The following FCRLA variants were observed in gnomAD, a reference collection of about 807,000 sequenced individuals.
FCRLA encodes the protein Fc receptor-like A.
FCRLA carries 26 observed loss-of-function variants against 28.4 expected under a neutral mutation model. That is an observed-to-expected ratio of 0.91 (90% CI 0.67 to 1.27). The LOEUF is 1.27. Among genes scored for constraint, FCRLA ranks in the 50% most tolerant of loss-of-function variants. The pLI is 0.00. For missense variants in FCRLA, 422 were observed against 433.1 expected (o/e 0.97, Z 0.23); for synonymous variants, 174 against 168.5 (o/e 1.03, Z -0.25).
intron 2 of FCRLA, 36 bp from the exon 3 acceptor site, chr1:161,711,171 GC>G: frequency 6.3e-7 from 1 of 1,582,130 alleles, no homozygotes; most frequent in Non-Finnish European, 8.6e-7. Flanking sequence ...CCCAAGGGAG[GC>G]CCTGGGTGAC....
rs774844832 is a variant in FCRLA, at chr1:161,713,359, C to A, written c.1059C>A (p.Thr353=). Residue 353 remains threonine, a synonymous_variant, in exon 5 of 5, where the codon ACC becomes ACA. Coordinates refer to ENST00000236938, the MANE Select transcript of FCRLA (RefSeq NM_032738.4). The part of the protein sequence containing the change: ...RELSGHRKPG[T]TKATAE Reference sequence around the variant, plus strand: ...TATCTGGCCACCGGAAGCCTGGGACCACAAAGGCTACTGCTGAATAGAAGT... The same window carrying A: ...TATCTGGCCACCGGAAGCCTGGGACAACAAAGGCTACTGCTGAATAGAAGT... 4 of 1,613,764 alleles carry A rather than the reference C, an allele frequency of 2.5e-6. No homozygotes were observed. The Admixed American group carries it at 6.7e-5, about 27-fold the overall frequency.
chr1:161,713,603 A>C lies in FCRLA; in HGVS notation c.*223A>C. ...TTAACACAACAGAATTCTGCTGTCT[A>C]GATCAGGAATTTCTATCTGTTATAT... On this transcript the variant is annotated 3_prime_UTR_variant, in exon 5 of 5. Transcript: ENST00000236938. The C allele has an allele frequency of 6.3e-6, 3 of 473,362 alleles. No individual in the cohort carries two copies. The highest frequency in any genetic ancestry group is 1.1e-5 in the Non-Finnish European group (3 of 268,746). The allele number at this position is 473,362 out of a possible 1,614,324, so 29.3% of individuals were successfully genotyped here.
At chr1:161,708,513 C>G (rs541193068) in intron 1 of FCRLA, among the ~76,000 whole-genome samples, 1 of 152,326 alleles carries the variant, frequency 6.6e-6, no homozygotes, top group South Asian at 2.1e-4. Context: ...AGTTTACCAG[C>G]CCAAATTCTT....
Position 161,711,931 on chromosome 1 carries a change from C to CG in FCRLA, c.500-3_500-2insG. The CG allele has an allele frequency of 6.2e-7, 1 of 1,602,880 alleles. No homozygotes were observed. On this transcript the variant is annotated splice_polypyrimidine_tract_variant and splice_region_variant and intron_variant, in intron 3 of 4. Coordinates refer to ENST00000236938, the MANE Select transcript of FCRLA (RefSeq NM_032738.4). The stretch of plus-strand genomic sequence containing the variant: ...TCTTCTTTCCTGCCTATCTTTTTCC[C>CG]AGAACTGTTTCCAGCGCCAATTCTC...
intron 3 of FCRLA, 194 bp from the exon 4 acceptor site, chr1:161,711,740 T>C: frequency 3.8e-6 from 3 of 795,010 alleles, no homozygotes; most frequent in Non-Finnish European, 6.1e-6. Flanking sequence ...ACTATCAGAT[T>C]TGCCCATCTG....
intron 4 of FCRLA, 55 bp downstream of exon 4, chr1:161,712,273 G>A: frequency 6.4e-7 from 1 of 1,565,358 alleles, no homozygotes; most frequent in Non-Finnish European, 8.7e-7. Flanking sequence ...GAGTGAAAAG[G>A]AGGGATAGGA....
At position 161,710,833 on chromosome 1, in the gene FCRLA, CTTGACTGATGCAAGGGAAG is replaced by C. The variant is rs767458244; in HGVS notation, c.154_172del (p.Thr53AlafsTer15). ...AGAGCAGCTGCCACACGGAGGATGA[CTTGACTGATGCAAGGGAAG>C]CTGGCTTCCAGGTCAAGGCCTACAC... On this transcript the variant is annotated frameshift_variant, in exon 2 of 5. Coordinates refer to ENST00000236938, the MANE Select transcript of FCRLA (RefSeq NM_032738.4). LOFTEE classifies it high-confidence loss of function. 6.2e-7 allele frequency: 1 copy of C among 1,613,964 alleles called. No homozygotes were observed. The highest frequency in any genetic ancestry group is 1.3e-5 in the African/African-American group (1 of 74,930).
rs764062287 is a variant in FCRLA at position 161,710,765 on chromosome 1, A to T, written c.85A>T (p.Ser29Cys). ...LWVAQMLLAA[S>C]FETLQCEGPV... Reference sequence around the variant, plus strand: ...CTGGGCCATGCCCTCTTCAGCTGCCAGTTTTGAGACGCTGCAGTGTGAGGG... The same window carrying T: ...CTGGGCCATGCCCTCTTCAGCTGCCTGTTTTGAGACGCTGCAGTGTGAGGG... Residue 29 changes from serine to cysteine, a missense_variant, in exon 2 of 5, where the codon AGT becomes TGT. Around this residue, in one of 3 missense-constraint regions of FCRLA, gnomAD observed 231 missense variants for 214.6 expected, o/e 1.08. Transcript: ENST00000236938. The T allele has an allele frequency of 3.7e-6, 6 of 1,614,120 alleles. No homozygotes were observed. Among genetic ancestry groups the T allele is most frequent in the South Asian group, 1.1e-5 (1 of 91,080 alleles).
At chr1:161,711,691 T>G (rs1683110252) in intron 3 of FCRLA, 2 of 731,610 alleles carry the variant, frequency 2.7e-6, no homozygotes, top group African/African-American at 1.8e-5. Context: ...ACCACCCAGA[T>G]CTATGCTTCC....
At chr1:161,710,696 C>G (rs544406885) in intron 1 of FCRLA, 64 bp from the exon 2 acceptor site, 9 of 1,594,000 alleles carry the variant, frequency 5.6e-6, no homozygotes, top group East Asian at 4.5e-5. Flanking sequence ...ATGGAGGAAC[C>G]CTGTCCTCTT....
In FCRLA at chr1:161,711,470, C is replaced by T; in HGVS notation, c.495C>T (p.Val165=). 5 of 1,611,344 alleles carry T rather than the reference C, an allele frequency of 3.1e-6. No individual in the cohort carries two copies. The highest frequency in any genetic ancestry group is 4.2e-6 in the Non-Finnish European group (5 of 1,178,050). Residue 165 remains valine (V), a synonymous_variant, in exon 3 of 5, where the codon GTC becomes GTT. Transcript: ENST00000236938. ...CAGCATCTGTTGTGGCTATCACAGTCCAAGGTGAGAGCTAGAAGCAGCATT... is the reference window on the plus strand; with the variant it reads ...CAGCATCTGTTGTGGCTATCACAGTTCAAGGTGAGAGCTAGAAGCAGCATT... ...PETASVVAIT[V]QELFPAPILR...
chr1:161,712,927 T>G (rs956344073), intron 4 of FCRLA, among the ~76,000 whole-genome samples, 158 bp from the exon 5 acceptor site: 4 of 152,178 alleles, frequency 2.6e-5, no homozygotes, highest in Non-Finnish European at 4.4e-5. Flanking sequence ...AAGCTTCAGA[T>G]TAAAATTTGG....
At position 161,711,462 on chromosome 1, in the gene FCRLA, A is replaced by G; in HGVS notation, c.487A>G (p.Ile163Val). Residue 163 changes from isoleucine (I) to valine (V), a missense_variant, in exon 3 of 5, where the codon ATC becomes GTC. Physicochemically the swap from Ile to Val is conservative, Grantham distance 29. Transcript: ENST00000236938. ...GIPETASVVA[I>V]TVQELFPAPI... Reference sequence around the variant, plus strand: ...CCCAGAAACAGCATCTGTTGTGGCTATCACAGTCCAAGGTGAGAGCTAGAA... The same window carrying G: ...CCCAGAAACAGCATCTGTTGTGGCTGTCACAGTCCAAGGTGAGAGCTAGAA... 6.2e-7 allele frequency: 1 copy of G among 1,613,358 alleles called. No individual in the cohort carries two copies.
chr1:161,708,141 G>T (rs1682921214), intron 1 of FCRLA, among the ~76,000 whole-genome samples: 1 of 152,132 alleles, frequency 6.6e-6, no homozygotes, highest in Admixed American at 6.6e-5. Context: ...TGCACCATGT[G>T]ACTAGAGTTG....
intron 4 of FCRLA, among the ~76,000 whole-genome samples, 199 bp from the exon 5 acceptor site, chr1:161,712,886 C>T (rs1683173155): frequency 6.6e-6 from 1 of 152,196 alleles, no homozygotes; most frequent in Admixed American, 6.5e-5. Context: ...GGTGAAGCCT[C>T]ACTGCTGAAG....
rs1007282155 is a variant in FCRLA at position 161,710,529 on chromosome 1, C to T, written c.80-231C>T. 8 of 1,548,616 alleles carry T rather than the reference C, an allele frequency of 5.2e-6. No homozygotes were observed. In the Admixed American group the frequency reaches 1.6e-4, roughly 30 times the overall value. ...CATTCTTTCATTCTCTCCCCTCCCT[C>T]TTCTCCAAACCACAGTGCATTTGCT... On this transcript the variant is annotated intron_variant, in intron 1 of 4. Coordinates refer to ENST00000236938, the MANE Select transcript of FCRLA (RefSeq NM_032738.4).
chr1:161,708,273 C>T (rs1165590756), intron 1 of FCRLA, among the ~76,000 whole-genome samples: 4 of 152,206 alleles, frequency 2.6e-5, no homozygotes, highest in African/African-American at 9.7e-5. Flanking sequence ...CAGACTCTTC[C>T]TTCTTTTTCA....
rs765950399 is a variant in FCRLA, at chr1:161,713,266, C to G, written c.966C>G (p.Gly322=). The part of the protein sequence containing the change: ...MPDPHLYHQM[G]LLLKHMQDVR... ...ATCCTCATCTGTATCACCAGATGGG[C>G]CTTCTTCTCAAACACATGCAGGATG... The change falls in exon 5 of 5, where the codon GGC becomes GGG. Residue 322 remains glycine (G), a synonymous_variant. Coordinates refer to ENST00000236938, the MANE Select transcript of FCRLA (RefSeq NM_032738.4). 1.2e-6 allele frequency: 2 copies of G among 1,614,154 alleles called. No homozygotes were observed. The highest frequency in any genetic ancestry group is 2.2e-5 in the South Asian group (2 of 91,076).
At chr1:161,707,427 T>C in intron 1 of FCRLA, 84 bp downstream of exon 1, 3 of 1,435,868 alleles carry the variant, frequency 2.1e-6, no homozygotes, top group Non-Finnish European at 2.8e-6. Context: ...AAACATGGAC[T>C]AATTCTGGCC....
Sources: allele counts gnomAD v4.1 joint callset (sites outside exome capture counted in the v4.1 genomes callset), GRCh38; gene constraint gnomAD v4.1.1; regional missense constraint gnomAD v4.1.1; transcripts MANE v1.5; gene names NCBI Gene and HGNC (gene_info 2026-07-23, HGNC 2026-07-21).